Variants in LINGO1 observed in about 807,000 individuals in gnomAD.
LINGO1 encodes the protein leucine rich repeat and Ig domain containing 1, also known as leucine-rich repeat and immunoglobulin-like domain-containing nogo receptor-interacting protein 1.
In LINGO1, 11 loss-of-function variants were observed where a neutral mutation model predicts 37.3. The ratio of observed to expected loss-of-function variants is 0.29; its 90% CI spans 0.19 to 0.49. LINGO1 has a LOEUF of 0.49. Among genes scored for constraint, LINGO1 ranks in the 20% least tolerant of loss-of-function variants. LINGO1 has a pLI of 0.99. For missense variants in LINGO1, 585 were observed against 878.2 expected (o/e 0.67, Z 4.22); for synonymous variants, 387 against 403.0 (o/e 0.96, Z 0.48).
chr15:77,682,298 G>C (rs2075429923), intron 2 of LINGO1, among the ~76,000 whole-genome samples: 1 of 151,776 alleles, frequency 6.6e-6, no homozygotes, highest in African/African-American at 2.4e-5. Context: ...GTGTGTGTGT[G>C]TGTGTGTGTG....
At chr15:77,773,365 T>G (rs1345198379) in intron 1 of LINGO1, among the ~76,000 whole-genome samples, 3 of 152,200 alleles carry the variant, frequency 2.0e-5, no homozygotes, top group South Asian at 4.1e-4. Context: ...TGTGCCAGGC[T>G]TGAGTGAAAT....
rs1351478095 is a variant in LINGO1, at chr15:77,632,446, C to A, written c.-131G>T. ...TCCTCCGACACCTCCGCCCGGCAGT[C>A]CGCGCGCCCTCGCGGGGCTGGCTGT... On this transcript the variant is annotated 5_prime_UTR_variant, in exon 1 of 2. Transcript: ENST00000355300. The surrounding 1 kb of genome is among the most constrained non-coding windows in gnomAD (Gnocchi z 6.0). 2 of 1,035,600 alleles carry A rather than the reference C, an allele frequency of 1.9e-6. No homozygotes were observed. Among genetic ancestry groups the A allele is most frequent in the African/African-American group, 1.7e-5 (1 of 59,972 alleles). The allele number at this position is 1,035,600 out of a possible 1,614,324, so 64.2% of individuals were successfully genotyped here.
intron 1 of LINGO1, among the ~76,000 whole-genome samples, chr15:77,695,148 A>G (rs1411212102): frequency 6.6e-6 from 1 of 152,192 alleles, no homozygotes; most frequent in Non-Finnish European, 1.5e-5. Flanking sequence ...AAATGGAAAG[A>G]AACAGCTTGT....
chr15:77,758,697 T>C (rs111629754), intron 1 of LINGO1, among the ~76,000 whole-genome samples: 22 of 152,302 alleles, frequency 1.4e-4, no homozygotes, highest in African/African-American at 3.6e-4. Context: ...ACCCTCTCTG[T>C]GCCTCAGTTT....
intron 1 of LINGO1, among the ~76,000 whole-genome samples, chr15:77,765,245 T>C (rs1478098558): frequency 6.6e-6 from 1 of 151,922 alleles, no homozygotes; most frequent in Non-Finnish European, 1.5e-5. Context: ...TGAAACCCCG[T>C]CTCTACTAAA....
intron 1 of LINGO1, among the ~76,000 whole-genome samples, chr15:77,771,135 C>T (rs1185684067): frequency 6.6e-6 from 1 of 152,200 alleles, no homozygotes; most frequent in Non-Finnish European, 1.5e-5. Flanking sequence ...GAGAGTTGAA[C>T]CCGCAGCTCT....
chr15:77,793,538 C>G (rs1199736485), intron 2 of LINGO1, among the ~76,000 whole-genome samples: 1 of 152,204 alleles, frequency 6.6e-6, no homozygotes, highest in African/African-American at 2.4e-5. Context: ...CAGGCTGGGC[C>G]TACCCTGCCA....
intron 1 of LINGO1, among the ~76,000 whole-genome samples, chr15:77,806,465 C>T (rs775514857): frequency 3.9e-5 from 6 of 152,188 alleles, no homozygotes; most frequent in Non-Finnish European, 8.8e-5. Flanking sequence ...CCCTCCCCAG[C>T]TCCACCTGCC....
intron 2 of LINGO1, among the ~76,000 whole-genome samples, chr15:77,684,263 T>A (rs6495243): frequency 0.053 from 8,107 of 152,200 alleles, 742 homozygotes; most frequent in African/African-American, 0.18. Flanking sequence ...TGCATTGTAT[T>A]GACTCATTGA....
At chr15:77,723,594 G>T (rs557877522) in intron 2 of LINGO1, among the ~76,000 whole-genome samples, 14 of 152,202 alleles carry the variant, frequency 9.2e-5, no homozygotes, top group African/African-American at 2.9e-4. Context: ...GGCTCAGGGA[G>T]ATTGAAAACA....
chr15:77,668,792 T>TACACACACAC lies in LINGO1; in HGVS notation c.-13+8287_-13+8296dup, dbSNP rs34476518. 3.8e-3 allele frequency among the ~76,000 whole-genome samples: 518 copies of TACACACACAC among 134,892 alleles called. 7 individuals carry two copies. The highest frequency in any genetic ancestry group is 0.011 in the African/African-American group (382 of 36,050). 88.5% of individuals were successfully genotyped at this position (134,892 alleles called of 152,430 possible). On this transcript the variant is annotated intron_variant, in intron 3 of 3. Coordinates refer to the LINGO1 transcript ENST00000559893. The stretch of plus-strand genomic sequence containing the variant: ...CTGCCCTGGGGAGCTCACAGGGGAA[T>TACACACACAC]ACACACACACACACACACACACACA...
chr15:77,808,711 ATCTC>A, intron 1 of LINGO1, among the ~76,000 whole-genome samples: 1 of 152,222 alleles, frequency 6.6e-6, no homozygotes, highest in South Asian at 2.1e-4. Flanking sequence ...AAGTCCCTCA[ATCTC>A]TCTGAGCCTC....
At chr15:77,674,307 C>T (rs2075295432) in intron 3 of LINGO1, among the ~76,000 whole-genome samples, 2 of 152,238 alleles carry the variant, frequency 1.3e-5, no homozygotes, top group South Asian at 4.1e-4. Flanking sequence ...TGCCTCCTCC[C>T]TGGATCACTG....
At chr15:77,782,060 C>CTG (rs2076723369) in intron 1 of LINGO1, among the ~76,000 whole-genome samples, 1 of 152,356 alleles carries the variant, frequency 6.6e-6, no homozygotes, top group Admixed American at 6.5e-5. Flanking sequence ...AAACGAGGAG[C>CTG]AGGTTCAGCT....
intron 1 of LINGO1, among the ~76,000 whole-genome samples, chr15:77,817,109 G>A (rs936910935): frequency 2.0e-5 from 3 of 152,192 alleles, no homozygotes; most frequent in African/African-American, 7.2e-5. Flanking sequence ...GGAGGCCACC[G>A]CCAGGATCCA....
chr15:77,657,980 G>A lies in LINGO1; in HGVS notation c.-13+19109C>T, dbSNP rs190407452. Among the ~76,000 whole-genome samples the A allele has an allele frequency of 1.8e-3, 279 of 152,234 alleles. 3 individuals are homozygous for A. The highest frequency in any genetic ancestry group is 5.5e-3 in the African/African-American group (227 of 41,552). The stretch of plus-strand genomic sequence containing the variant: ...ATGCCAGTCCCCGTCTCTGCCGCCC[G>A]CCCAAGCTTGGGCCATCTGTTTCCC... On this transcript the variant is annotated intron_variant, in intron 3 of 3. Transcript: ENST00000559893.
At chr15:77,804,025 T>A (rs1022839586) in intron 1 of LINGO1, among the ~76,000 whole-genome samples, 6 of 151,972 alleles carry the variant, frequency 3.9e-5, no homozygotes, top group African/African-American at 1.5e-4. Flanking sequence ...TAGCATCTCA[T>A]CCTAGGTAGC....
At chr15:77,631,219 C>T (rs79959363) in intron 1 of LINGO1, among the ~76,000 whole-genome samples, 3,489 of 152,258 alleles carry the variant, frequency 0.023, 142 homozygotes, top group African/African-American at 0.079. Context: ...TATGCGCCCT[C>T]TGGCTGCCCA....
chr15:77,785,506 G>T (rs2076762764), intron 1 of LINGO1, among the ~76,000 whole-genome samples: 1 of 152,078 alleles, frequency 6.6e-6, no homozygotes. Context: ...GACCGTGGCT[G>T]CATGTTTGCT....
Sources: gnomAD v4.1 joint callset for allele counts (sites outside exome capture counted in the v4.1 genomes callset) on GRCh38, gnomAD v4.1.1 for gene constraint, Gnocchi (gnomAD v3.1) non-coding constraint, MANE v1.5 for transcripts, NCBI Gene and HGNC (gene_info 2026-07-23, HGNC 2026-07-21) for gene names.